The following PRKAR1B variants were observed in gnomAD, a reference collection of about 807,000 sequenced individuals.
PRKAR1B encodes the protein protein kinase cAMP-dependent type I regulatory subunit beta.
Under a neutral mutation model 46.5 loss-of-function variants are expected in PRKAR1B, and 22 were observed. That is an observed-to-expected ratio of 0.47 (90% CI 0.34 to 0.68). PRKAR1B has a LOEUF of 0.68. Among genes scored for constraint, PRKAR1B ranks in the 30% least tolerant of loss-of-function variants. The pLI is 0.01. For synonymous variants in PRKAR1B, 259 were observed against 217.7 expected, an observed-to-expected ratio of 1.19 and a Z score of -1.67; for missense variants, 445 against 535.6, an observed-to-expected ratio of 0.83 and a Z score of 1.67.
chr7:612,214 G>A (rs113836210), intron 4 of PRKAR1B, among the ~76,000 whole-genome samples: 7,802 of 140,720 alleles, frequency 0.055, 290 homozygotes, highest in Middle Eastern at 0.079. Flanking sequence ...ACGGATGGAT[G>A]GATGGATAGA....
chr7:646,709 T>C (rs898483299), intron 4 of PRKAR1B, among the ~76,000 whole-genome samples: 5 of 152,218 alleles, frequency 3.3e-5, no homozygotes, highest in Non-Finnish European at 7.3e-5. Context: ...CACACGATGA[T>C]GAAATGGCTC....
chr7:606,628 A>T (rs1782075789), intron 5 of PRKAR1B, among the ~76,000 whole-genome samples: 1 of 151,620 alleles, frequency 6.6e-6, no homozygotes, highest in South Asian at 2.1e-4. Context: ...TTGTAGTTTT[A>T]GTAGAGATGG....
intron 7 of PRKAR1B, among the ~76,000 whole-genome samples, chr7:594,945 T>C (rs998471848): frequency 3.9e-5 from 6 of 152,120 alleles, no homozygotes; most frequent in Non-Finnish European, 5.9e-5. Context: ...ACCCAGAGCT[T>C]CCCAGGATGA....
chr7:697,445 G>A (rs993726432), intron 2 of PRKAR1B, among the ~76,000 whole-genome samples: 14 of 152,258 alleles, frequency 9.2e-5, no homozygotes, highest in South Asian at 2.1e-4. Flanking sequence ...GATCCACCCC[G>A]CCTGATGCCT....
At chr7:607,560 GA>G in intron 4 of PRKAR1B, 108 bp from the exon 5 acceptor site, 1 of 945,282 alleles carries the variant, frequency 1.1e-6, no homozygotes, top group Non-Finnish European at 1.7e-6. Context: ...AGTCATTGGG[GA>G]AAATGAGAAA....
chr7:611,967 A>G (rs543071752), intron 4 of PRKAR1B, among the ~76,000 whole-genome samples: 115 of 148,440 alleles, frequency 7.7e-4, no homozygotes, highest in Middle Eastern at 3.7e-3. Flanking sequence ...GGGTGAGTAG[A>G]TCAACGGATG....
At chr7:551,941 C>T (rs1162824648) in intron 9 of PRKAR1B, among the ~76,000 whole-genome samples, 1 of 120,994 alleles carries the variant, frequency 8.3e-6, no homozygotes, top group Non-Finnish European at 1.7e-5. Flanking sequence ...CAAACCCCCA[C>T]CTCCCGCCCG....
At chr7:673,068 A>AAAAC in intron 4 of PRKAR1B, among the ~76,000 whole-genome samples, 1 of 142,606 alleles carries the variant, frequency 7.0e-6, no homozygotes, top group Non-Finnish European at 1.5e-5. Flanking sequence ...AAAAAAAAAA[A>AAAAC]AAAAAAAAAA....
At position 549,813 on chromosome 7, in the gene PRKAR1B, GC is replaced by G. The variant is rs1417328322; in HGVS notation, c.*616del. 6.5e-6 allele frequency: 1 copy of G among 152,826 alleles called. No individual in the cohort carries two copies. The highest frequency in any genetic ancestry group is 2.4e-5 in the African/African-American group (1 of 41,440). The allele number at this position is 152,826 out of a possible 1,614,324, so 9.5% of individuals were successfully genotyped here. ...CGCCCGGCTTCCTCTCCAATTAGGGGCAAGATCAATCTCACAGCTCAGAGAC... is the reference window on the plus strand; with the variant it reads ...CGCCCGGCTTCCTCTCCAATTAGGGGAAGATCAATCTCACAGCTCAGAGAC... On this transcript the variant is annotated 3_prime_UTR_variant, in exon 11 of 11. Coordinates refer to ENST00000537384, the MANE Select transcript of PRKAR1B (RefSeq NM_001164760.2).
chr7:590,159 C>T (rs1213472791), intron 7 of PRKAR1B, among the ~76,000 whole-genome samples: 2 of 152,250 alleles, frequency 1.3e-5, no homozygotes, highest in African/African-American at 2.4e-5. Context: ...CCACGCCCTT[C>T]AGGACACTCC....
intron 9 of PRKAR1B, among the ~76,000 whole-genome samples, chr7:577,350 G>C (rs1779915649): frequency 1.3e-5 from 2 of 152,200 alleles, no homozygotes; most frequent in Non-Finnish European, 2.9e-5. Flanking sequence ...GTTTCGGCGA[G>C]GACGGGACCT....
At chr7:613,361 G>A (rs1437444246) in intron 4 of PRKAR1B, among the ~76,000 whole-genome samples, 2 of 151,692 alleles carry the variant, frequency 1.3e-5, no homozygotes, top group Admixed American at 6.6e-5. Context: ...CGACACGTAC[G>A]CTTAAGGGCA....
chr7:657,036 AGT>A (rs1785242150), intron 4 of PRKAR1B, among the ~76,000 whole-genome samples: 1 of 150,048 alleles, frequency 6.7e-6, no homozygotes, highest in Non-Finnish European at 1.5e-5. Flanking sequence ...TGAATGAATG[AGT>A]GAATAAATGA....
At chr7:571,530 TA>T (rs1779512781) in intron 9 of PRKAR1B, among the ~76,000 whole-genome samples, 1 of 152,214 alleles carries the variant, frequency 6.6e-6, no homozygotes, top group African/African-American at 2.4e-5. Context: ...TGGACATTCA[TA>T]AAATTAATTT....
intron 4 of PRKAR1B, among the ~76,000 whole-genome samples, chr7:609,382 G>C (rs1315194145): frequency 6.6e-6 from 1 of 151,938 alleles, no homozygotes; most frequent in Admixed American, 6.6e-5. Flanking sequence ...TAATCAAATG[G>C]ACACTGTGTA....
intron 9 of PRKAR1B, among the ~76,000 whole-genome samples, chr7:571,738 C>T (rs563486770): frequency 2.6e-5 from 4 of 152,260 alleles, no homozygotes; most frequent in South Asian, 2.1e-4. Context: ...AGCAGGCGTG[C>T]GGCCCCAGAT....
rs1029123157 is a variant in PRKAR1B, at chr7:644,115, G to A, written c.440+33114C>T. On this transcript the variant is annotated intron_variant, in intron 4 of 10. Coordinates refer to ENST00000537384, the MANE Select transcript of PRKAR1B (RefSeq NM_001164760.2). This position sits in a 1 kb window ranked among gnomAD's most constrained non-coding sequence, Gnocchi z 4.9. ...AGTCTTCATCTTGCAGACAAACAGA[G>A]GTGCTAAGTCACGGGCCACATGCAC... Among the ~76,000 whole-genome samples, 2 of 152,138 alleles carry A rather than the reference G, an allele frequency of 1.3e-5. No homozygotes were observed. Among genetic ancestry groups the A allele is most frequent in the Non-Finnish European group, 2.9e-5 (2 of 68,032 alleles).
chr7:672,002 A>C (rs1459571734), intron 4 of PRKAR1B, among the ~76,000 whole-genome samples: 5 of 152,154 alleles, frequency 3.3e-5, no homozygotes, highest in Admixed American at 2.6e-4. Flanking sequence ...TATGTGCTTC[A>C]TGACTGTGTG....
At chr7:717,392 C>A (rs1780919573) in intron 1 of PRKAR1B, among the ~76,000 whole-genome samples, 1 of 152,114 alleles carries the variant, frequency 6.6e-6, no homozygotes. Context: ...CATCGTGGCT[C>A]ATGCCTGCAA....
Sources: gnomAD v4.1 joint callset for allele counts (sites outside exome capture counted in the v4.1 genomes callset) on GRCh38, gnomAD v4.1.1 for gene constraint, Gnocchi (gnomAD v3.1) non-coding constraint, MANE v1.5 for transcripts, NCBI Gene and HGNC (gene_info 2026-07-23, HGNC 2026-07-21) for gene names.